PTPN18: variants seen among roughly 807,000 people sequenced by gnomAD.
The protein encoded by PTPN18 is protein tyrosine phosphatase non-receptor type 18.
Under a neutral mutation model 65.4 loss-of-function variants are expected in PTPN18, and 65 were observed. The ratio of observed to expected loss-of-function variants is 0.99; its 90% CI spans 0.81 to 1.22. The LOEUF is 1.22. Ranked by LOEUF, PTPN18 falls within the 50% of genes most tolerant of loss-of-function variation. The probability of loss-of-function intolerance (pLI) is 0.00; values close to 1 mark genes in which losing one functional copy is unlikely to be tolerated. For synonymous variants in PTPN18, 255 were observed against 267.8 expected, an observed-to-expected ratio of 0.95 and a Z score of 0.47; for missense variants, 616 against 646.5, an observed-to-expected ratio of 0.95 and a Z score of 0.51.
In PTPN18 at chr2:130,356,070, C is replaced by G. The variant is rs1408557082; in HGVS notation, c.-38C>G. 18 of 1,201,988 alleles carry G rather than the reference C, an allele frequency of 1.5e-5. No individual in the cohort carries two copies. The highest frequency in any genetic ancestry group is 8.7e-5 in the Admixed American group (2 of 22,924). The allele number at this position is 1,201,988 out of a possible 1,614,324, so 74.5% of individuals were successfully genotyped here. A position where few individuals can be genotyped will look rare whatever the true frequency, so the allele number is the denominator to read the frequency against. ...CCGCGGCGTCCACACTCGCCGCGCG[C>G]GCGGCGGCCGGGCTGGACCTTGCTG... On this transcript the variant is annotated 5_prime_UTR_variant, in exon 1 of 15. Coordinates refer to ENST00000175756, the MANE Select transcript of PTPN18 (RefSeq NM_014369.4).
intron 1 of PTPN18, among the ~76,000 whole-genome samples, 199 bp from the exon 2 acceptor site, chr2:130,358,668 A>T (rs112297383): frequency 1.2e-4 from 18 of 152,280 alleles, no homozygotes; most frequent in African/African-American, 4.3e-4. Flanking sequence ...CTTAGCACAG[A>T]GAGTGGCACA....
chr2:130,356,066 C>G lies in PTPN18; in HGVS notation c.-42C>G. 8.4e-7 allele frequency: 1 copy of G among 1,190,304 alleles called. No homozygotes were observed. The highest frequency in any genetic ancestry group is 3.6e-5 in the South Asian group (1 of 27,488). 73.7% of individuals were successfully genotyped at this position (1,190,304 alleles called of 1,614,324 possible). Reference sequence around the variant, plus strand: ...CCTCCCGCGGCGTCCACACTCGCCGCGCGCGCGGCGGCCGGGCTGGACCTT... The same window carrying G: ...CCTCCCGCGGCGTCCACACTCGCCGGGCGCGCGGCGGCCGGGCTGGACCTT... On this transcript the variant is annotated 5_prime_UTR_variant, in exon 1 of 15. Transcript: ENST00000175756.
chr2:130,370,847 C>G (rs1218630513), intron 10 of PTPN18, 28 bp from the exon 11 acceptor site: 1 of 1,612,998 alleles, frequency 6.2e-7, no homozygotes, highest in South Asian at 1.1e-5. Context: ...CCCTGCCTTC[C>G]CTTCTTGATG....
chr2:130,373,510 G>A lies in PTPN18; in HGVS notation c.*286G>A. The A allele has an allele frequency of 3.3e-6, 1 of 298,566 alleles. No homozygotes were observed. The highest frequency in any genetic ancestry group is 2.2e-5 in the African/African-American group (1 of 46,384). 18.5% of individuals were successfully genotyped at this position (298,566 alleles called of 1,614,324 possible). A position where few individuals can be genotyped will look rare whatever the true frequency, so the allele number is the denominator to read the frequency against. On this transcript the variant is annotated 3_prime_UTR_variant, in exon 15 of 15. Coordinates refer to ENST00000175756, the MANE Select transcript of PTPN18 (RefSeq NM_014369.4). The surrounding 1 kb of genome is among the most constrained non-coding windows in gnomAD (Gnocchi z 4.1). ...GTTATGAAGGGGAGAAGGGACAGAT[G>A]AGCTTCCGGAGACTGCTCTCCTCAC...
chr2:130,358,976 G>A lies in PTPN18; in HGVS notation c.202+1G>A. On this transcript the variant is annotated splice_donor_variant, in intron 2 of 14. Coordinates refer to ENST00000175756, the MANE Select transcript of PTPN18 (RefSeq NM_014369.4). LOFTEE classifies it high-confidence loss of function. Reference sequence around the variant, plus strand: ...AACCGCTACAAAGACGTGCTGCCTTGTAAGTCGGGGCTTCCGTAGGGAGTC... The same window carrying A: ...AACCGCTACAAAGACGTGCTGCCTTATAAGTCGGGGCTTCCGTAGGGAGTC... The A allele has an allele frequency of 8.1e-6, 13 of 1,613,746 alleles. No individual in the cohort carries two copies. Among genetic ancestry groups the A allele is most frequent in the Non-Finnish European group, 1.0e-5 (12 of 1,179,674 alleles).
At chr2:130,357,904 T>G (rs1680044944) in intron 1 of PTPN18, among the ~76,000 whole-genome samples, 1 of 151,786 alleles carries the variant, frequency 6.6e-6, no homozygotes, top group Non-Finnish European at 1.5e-5. Context: ...CTAAGTAATT[T>G]ACACACATGT....
chr2:130,372,338 C>T lies in PTPN18; in HGVS notation c.1095C>T (p.Gly365=), dbSNP rs1680594166. Residue 365 remains glycine (G), a synonymous_variant, in exon 13 of 15, where the codon GGC becomes GGT. Coordinates refer to ENST00000175756, the MANE Select transcript of PTPN18 (RefSeq NM_014369.4). ...AVVQKRGAPA[G]AGSGTQTGTG... is the part of the protein sequence containing the mutation. The stretch of plus-strand genomic sequence containing the variant: ...TGCAGAAGCGCGGGGCTCCAGCGGG[C>T]GCCGGGAGTGGGACGCAGACGGGGA... The T allele has an allele frequency of 1.4e-6, 2 of 1,417,754 alleles. No individual in the cohort carries two copies. Among genetic ancestry groups the T allele is most frequent in the South Asian group, 1.5e-5 (1 of 67,222 alleles). 87.8% of individuals were successfully genotyped at this position (1,417,754 alleles called of 1,614,324 possible).
rs552299458 is a variant in PTPN18, at chr2:130,370,098, G to C, written c.597G>C (p.Gly199=). The part of the protein sequence containing the change: ...QLQYMSWPDR[G]VPSSPDHMLA... Reference sequence around the variant, plus strand: ...AGTATATGTCCTGGCCAGACCGTGGGGTCCCCAGCAGTCCTGACCACATGC... The same window carrying C: ...AGTATATGTCCTGGCCAGACCGTGGCGTCCCCAGCAGTCCTGACCACATGC... Residue 199 remains glycine, a synonymous_variant, in exon 8 of 15, where the codon GGG becomes GGC. Transcript: ENST00000175756. 1.2e-6 allele frequency: 2 copies of C among 1,614,144 alleles called. No homozygotes were observed. Among genetic ancestry groups the C allele is most frequent in the Non-Finnish European group, 1.7e-6 (2 of 1,180,024 alleles).
chr2:130,358,293 G>A (rs1214728429), intron 1 of PTPN18, among the ~76,000 whole-genome samples: 1 of 152,198 alleles, frequency 6.6e-6, no homozygotes, highest in Admixed American at 6.5e-5. Context: ...AATACCTGAC[G>A]ATGATGGTAA....
At position 130,370,173 on chromosome 2, in the gene PTPN18, CCTCTGTG is replaced by C; in HGVS notation, c.673_679del (p.Leu225SerfsTer19). 6.2e-7 allele frequency: 1 copy of C among 1,612,272 alleles called. No individual in the cohort carries two copies. ...GCCTCCAGGGATCTGGCCCTGAACC[CCTCTGTG>C]TCCACTGCAGGTTTTGGAAATGGGC... On this transcript the variant is annotated frameshift_variant, in exon 8 of 15. Coordinates refer to ENST00000175756, the MANE Select transcript of PTPN18 (RefSeq NM_014369.4). LOFTEE classifies it high-confidence loss of function.
intron 6 of PTPN18, 37 bp downstream of exon 6, chr2:130,369,238 T>G (rs1680477255): frequency 1.3e-6 from 2 of 1,578,156 alleles, no homozygotes; most frequent in Admixed American, 3.4e-5. Flanking sequence ...ATTCCCAGGG[T>G]GGAAAGGCTT....
chr2:130,370,696 C>T lies in PTPN18; in HGVS notation c.757-9C>T. 1 of 1,614,168 alleles carries T rather than the reference C, an allele frequency of 6.2e-7. No homozygotes were observed. Among genetic ancestry groups the T allele is most frequent in the Non-Finnish European group, 8.5e-7 (1 of 1,179,978 alleles). ...TGTCCTGCTCAAGTGCCTTGTCTGTCTGCCCCAGATGATCCCACCTGACTT... is the reference window on the plus strand; with the variant it reads ...TGTCCTGCTCAAGTGCCTTGTCTGTTTGCCCCAGATGATCCCACCTGACTT... On this transcript the variant is annotated splice_polypyrimidine_tract_variant and intron_variant, in intron 9 of 14. Transcript: ENST00000175756.
intron 2 of PTPN18, 60 bp from the exon 3 acceptor site, chr2:130,359,173 C>G (rs1680102260): frequency 6.3e-7 from 1 of 1,596,496 alleles, no homozygotes; most frequent in South Asian, 1.1e-5. Context: ...AGGGGGCTGT[C>G]AGAGGCTCCG....
chr2:130,356,671 TCGAATCCGCGTCCGGGCC>T (rs919633331), intron 1 of PTPN18: 4 of 463,464 alleles, frequency 8.6e-6, no homozygotes, highest in African/African-American at 2.0e-5. Flanking sequence ...AACGCCGGGC[TCGAATCCGCGTCCGGGCC>T]CGAATCCGCT....
chr2:130,367,159 G>A (rs980767338), intron 5 of PTPN18, among the ~76,000 whole-genome samples: 1 of 139,914 alleles, frequency 7.1e-6, no homozygotes, highest in Non-Finnish European at 1.5e-5. Context: ...AATAGCTGGA[G>A]CAGCCACTGT....
In PTPN18 at chr2:130,359,472, G is replaced by A. The variant is rs1222239954; in HGVS notation, c.355G>A (p.Val119Ile). 6.2e-7 allele frequency: 1 copy of A among 1,614,200 alleles called. No individual in the cohort carries two copies. Residue 119 changes from valine (V) to isoleucine (I), a missense_variant, in exon 4 of 15, where the codon GTC becomes ATC. By Grantham distance (29) the Val-to-Ile change is conservative. Coordinates refer to ENST00000175756, the MANE Select transcript of PTPN18 (RefSeq NM_014369.4). ...PHTLLDFWRL[V>I]WEFGVKVILM... is the part of the protein sequence containing the mutation. ...CACCCTGCTAGACTTCTGGAGACTG[G>A]TCTGGGAGTTTGGGGTCAAGGTCAG...
chr2:130,358,717 A>G (rs1558840199), intron 1 of PTPN18, 150 bp from the exon 2 acceptor site: 1 of 637,684 alleles, frequency 1.6e-6, no homozygotes, highest in Non-Finnish European at 2.8e-6. Flanking sequence ...TATCATTATT[A>G]TTAGGCAGGC....
At chr2:130,362,050 C>G (rs1680233450) in intron 5 of PTPN18, 1 of 450,528 alleles carries the variant, frequency 2.2e-6, no homozygotes, top group Non-Finnish European at 4.5e-6. Flanking sequence ...TCACTGTAAC[C>G]TCAAAATCCT....
At chr2:130,359,904 G>A in intron 5 of PTPN18, 1 of 538,076 alleles carries the variant, frequency 1.9e-6, no homozygotes, top group Non-Finnish European at 3.3e-6. Flanking sequence ...TGCTTCCCCT[G>A]TAGGCTCTGA....
Sources: gnomAD v4.1 joint callset for allele counts (sites outside exome capture counted in the v4.1 genomes callset) on GRCh38, gnomAD v4.1.1 for gene constraint, Gnocchi (gnomAD v3.1) non-coding constraint, MANE v1.5 for transcripts, NCBI Gene and HGNC (gene_info 2026-07-23, HGNC 2026-07-21) for gene names.